TTC23: variants seen among roughly 807,000 people sequenced by gnomAD.
The protein encoded by TTC23 is tetratricopeptide repeat domain 23, also known as tetratricopeptide repeat protein 23.
Under a neutral mutation model 55.1 loss-of-function variants are expected in TTC23, and 58 were observed. The observed-to-expected ratio is 1.05, with a 90% CI of 0.85 to 1.31. The LOEUF (loss-of-function observed/expected upper bound fraction) is 1.31. Among genes scored for constraint, TTC23 ranks in the 50% most tolerant of loss-of-function variants. The pLI is 0.00. For missense variants in TTC23, 516 were observed against 534.4 expected, an observed-to-expected ratio of 0.97 and a Z score of 0.34; for synonymous variants, 203 against 199.9, an observed-to-expected ratio of 1.02 and a Z score of -0.13.
intron 2 of TTC23, among the ~76,000 whole-genome samples, chr15:99,244,514 GAAAAT>G (rs776628519): frequency 3.9e-5 from 6 of 152,046 alleles, no homozygotes; most frequent in Admixed American, 6.6e-5. Context: ...TAAATAATCT[GAAAAT>G]AAAATTAAGA....
chr15:99,151,962 C>G (rs1232812152), intron 12 of TTC23, among the ~76,000 whole-genome samples: 1 of 152,172 alleles, frequency 6.6e-6, no homozygotes, highest in African/African-American at 2.4e-5. Flanking sequence ...ATACAGAGTA[C>G]AGGTACCCAA....
At chr15:99,180,969 G>A (rs2074057253) in intron 9 of TTC23, among the ~76,000 whole-genome samples, 1 of 152,170 alleles carries the variant, frequency 6.6e-6, no homozygotes, top group Admixed American at 6.5e-5. Context: ...AACTAACATC[G>A]ATTAAGCACC....
intron 9 of TTC23, among the ~76,000 whole-genome samples, chr15:99,176,626 CA>C (rs1278321256): frequency 6.6e-6 from 1 of 152,050 alleles, no homozygotes; most frequent in African/African-American, 2.4e-5. Flanking sequence ...CAAATACACA[CA>C]AAAAGATAAA....
chr15:99,171,396 C>T (rs1041684169), intron 10 of TTC23, among the ~76,000 whole-genome samples: 1 of 152,000 alleles, frequency 6.6e-6, no homozygotes, highest in Admixed American at 6.6e-5. Flanking sequence ...ATGAACTCAT[C>T]TGTAAAATGG....
At chr15:99,212,456 A>G (rs1362104989) in intron 8 of TTC23, among the ~76,000 whole-genome samples, 4 of 152,240 alleles carry the variant, frequency 2.6e-5, no homozygotes, top group Non-Finnish European at 5.9e-5. Context: ...AACTGTGCAC[A>G]TAAGAATACA....
At chr15:99,212,142 T>G (rs2077085458) in intron 8 of TTC23, among the ~76,000 whole-genome samples, 1 of 152,178 alleles carries the variant, frequency 6.6e-6, no homozygotes, top group Non-Finnish European at 1.5e-5. Flanking sequence ...GGACATGCTG[T>G]GGGAGACTTC....
intron 9 of TTC23, among the ~76,000 whole-genome samples, chr15:99,195,784 T>C (rs984470387): frequency 6.6e-6 from 1 of 151,582 alleles, no homozygotes; most frequent in African/African-American, 2.4e-5. Flanking sequence ...TGTATGACTC[T>C]GGTGAGGGAG....
intron 12 of TTC23, among the ~76,000 whole-genome samples, chr15:99,154,441 A>G (rs1567342139): frequency 6.6e-6 from 1 of 152,140 alleles, no homozygotes; most frequent in Non-Finnish European, 1.5e-5. Flanking sequence ...GCCCTCATGC[A>G]TAGATTAATG....
intron 5 of TTC23, among the ~76,000 whole-genome samples, chr15:99,225,106 C>T (rs993683246): frequency 6.6e-6 from 1 of 152,160 alleles, no homozygotes; most frequent in Non-Finnish European, 1.5e-5. Flanking sequence ...TACAGATTTC[C>T]AGCGAAGAGG....
intron 12 of TTC23, chr15:99,140,515 G>A (rs1306497276): frequency 6.6e-6 from 1 of 152,022 alleles, no homozygotes; most frequent in Non-Finnish European, 1.5e-5. Context: ...GATTACAGGT[G>A]CCCGCCACCA....
chr15:99,217,989 A>G lies in TTC23; in HGVS notation c.581+599T>C, dbSNP rs114272929. Among the ~76,000 whole-genome samples, 1,175 of 152,330 alleles carry G rather than the reference A, an allele frequency of 7.7e-3. 13 individuals are homozygous for G. Among genetic ancestry groups the G allele is most frequent in the African/African-American group, 0.027 (1,141 of 41,560 alleles). On this transcript the variant is annotated intron_variant, in intron 8 of 13. Coordinates refer to ENST00000394132, the MANE Select transcript of TTC23 (RefSeq NM_001288615.3). ...GACCTTTCTCCACCTTTTCCTCTGC[A>G]CAAGTCCATCTTTCCAAAGAGTGTG...
rs556648778 is a variant in TTC23, at chr15:99,208,350, T to C, written c.582-8254A>G. ...AAACACTAAATTTCAGCATAATAATTGCCTATAATGTATGGGAATAAAATG... is the reference window on the plus strand; with the variant it reads ...AAACACTAAATTTCAGCATAATAATCGCCTATAATGTATGGGAATAAAATG... On this transcript the variant is annotated intron_variant, in intron 8 of 13. Coordinates refer to ENST00000394132, the MANE Select transcript of TTC23 (RefSeq NM_001288615.3). 1.6e-4 allele frequency among the ~76,000 whole-genome samples: 25 copies of C among 152,188 alleles called. No homozygotes were observed. In the East Asian group the frequency reaches 4.6e-3, roughly 28 times the overall value.
At chr15:99,199,457 T>TG (rs2076021612) in intron 9 of TTC23, among the ~76,000 whole-genome samples, 2 of 142,714 alleles carry the variant, frequency 1.4e-5, no homozygotes, top group African/African-American at 2.8e-5. Context: ...AGTGTGTGTG[T>TG]TTGTGTGTGT....
chr15:99,226,884 G>A (rs986305071), intron 5 of TTC23, among the ~76,000 whole-genome samples: 3 of 152,148 alleles, frequency 2.0e-5, no homozygotes, highest in Non-Finnish European at 4.4e-5. Flanking sequence ...TTACAATGTT[G>A]ATTGCCTCTC....
intron 8 of TTC23, among the ~76,000 whole-genome samples, chr15:99,201,347 T>C (rs933618747): frequency 6.6e-6 from 1 of 152,184 alleles, no homozygotes; most frequent in African/African-American, 2.4e-5. Flanking sequence ...AGGAACCTTT[T>C]CTTTCATGGA....
rs140920562 is a variant in TTC23, at chr15:99,247,038, T to C, written c.-430-1528A>G. Among the ~76,000 whole-genome samples, 337 of 152,270 alleles carry C rather than the reference T, an allele frequency of 2.2e-3. 1 individual carries two copies. Among genetic ancestry groups the C allele is most frequent in the African/African-American group, 7.9e-3 (329 of 41,550 alleles). ...GAAAGACATTTTACAAAAGAAGATA[T>C]ATGGATAGTCAACAAGCACATGAAA... On this transcript the variant is annotated intron_variant, in intron 1 of 13. Transcript: ENST00000394132.
At chr15:99,174,437 G>A (rs2073299678) in intron 10 of TTC23, among the ~76,000 whole-genome samples, 1 of 146,760 alleles carries the variant, frequency 6.8e-6, no homozygotes, top group South Asian at 2.1e-4. Flanking sequence ...TTTATGAATT[G>A]TACTCCATTT....
At chr15:99,173,616 T>G (rs1323459964) in intron 10 of TTC23, among the ~76,000 whole-genome samples, 1 of 151,952 alleles carries the variant, frequency 6.6e-6, no homozygotes. Context: ...AAAAAAAAAT[T>G]GAAGATTCTC....
intron 9 of TTC23, among the ~76,000 whole-genome samples, chr15:99,184,582 C>T (rs759799648): frequency 7.9e-5 from 12 of 152,116 alleles, no homozygotes; most frequent in Non-Finnish European, 1.5e-4. Flanking sequence ...CCATTTTGAA[C>T]GGGTGTATTT....
Sources: gnomAD v4.1 joint callset for allele counts (sites outside exome capture counted in the v4.1 genomes callset) on GRCh38, gnomAD v4.1.1 for gene constraint, MANE v1.5 for transcripts, NCBI Gene and HGNC (gene_info 2026-07-23, HGNC 2026-07-21) for gene names.